Variants in ZNF638 observed in about 807,000 individuals in gnomAD.
ZNF638 encodes zinc finger protein 638.
In ZNF638, 46 loss-of-function variants were observed where a neutral mutation model predicts 195.6. That is an observed-to-expected ratio of 0.24 (90% CI 0.19 to 0.30). The LOEUF is 0.30. Among genes scored for constraint, ZNF638 ranks in the 10% least tolerant of loss-of-function variants. ZNF638 has a pLI of 1.00. For synonymous variants in ZNF638, 845 were observed against 772.0 expected (o/e 1.09, Z -1.57); for missense variants, 2,440 against 2,325.3 (o/e 1.05, Z -1.01).
At chr2:71,427,532 A>G in intron 24 of ZNF638, 118 bp downstream of exon 24, 1 of 673,998 alleles carries the variant, frequency 1.5e-6, no homozygotes, top group Non-Finnish European at 2.2e-6. Flanking sequence ...ATTAGAGGCC[A>G]ACAGACAGTT....
chr2:71,371,950 T>G (rs1330415750), intron 8 of ZNF638, among the ~76,000 whole-genome samples: 2 of 152,196 alleles, frequency 1.3e-5, no homozygotes, highest in Non-Finnish European at 2.9e-5. Flanking sequence ...TTGCCTGTGT[T>G]TGTGGGGTAT....
intron 3 of ZNF638, among the ~76,000 whole-genome samples, chr2:71,356,061 A>G (rs2542501): frequency 0.099 from 15,035 of 152,204 alleles, 801 homozygotes; most frequent in Non-Finnish European, 0.12. Flanking sequence ...AGGATCTTTT[A>G]TCTATATCAG....
At chr2:71,368,102 T>A (rs2079238010) in intron 6 of ZNF638, among the ~76,000 whole-genome samples, 1 of 152,158 alleles carries the variant, frequency 6.6e-6, no homozygotes, top group Admixed American at 6.5e-5. Context: ...TGCTATAAGA[T>A]GCTATCAACA....
Position 71,433,251 on chromosome 2 carries a change from T to C in ZNF638, c.5839T>C (p.Cys1947Arg), listed in dbSNP as rs1461953371. ...AGGTGAAAAAGCAATGACAAATCAC[T>C]GCAAGAGTACACGTCATAAGCAAAA... ...YSGEKAMTNH[C>R]KSTRHKQNTE... Residue 1947 changes from cysteine (C) to arginine (R), a missense_variant, in exon 27 of 28, where the codon TGC becomes CGC. Around this residue, in one of 5 missense-constraint regions of ZNF638, gnomAD observed 1,883 missense variants for 1,739.1 expected, o/e 1.08. Coordinates refer to ENST00000264447, the MANE Select transcript of ZNF638 (RefSeq NM_014497.5). 6.2e-7 allele frequency: 1 copy of C among 1,613,996 alleles called. No homozygotes were observed. Among genetic ancestry groups the C allele is most frequent in the Admixed American group, 1.7e-5 (1 of 60,018 alleles).
At chr2:71,393,399 C>G (rs755903205) in intron 10 of ZNF638, 11 of 718,556 alleles carry the variant, frequency 1.5e-5, no homozygotes, top group Non-Finnish European at 2.9e-5. Flanking sequence ...CTCAGGCCCT[C>G]TTTGGATTCC....
At chr2:71,401,864 A>G (rs1298101378) in intron 15 of ZNF638, 92 bp from the exon 16 acceptor site, 4 of 1,124,340 alleles carry the variant, frequency 3.6e-6, no homozygotes, top group Middle Eastern at 3.2e-4. Context: ...TAAATGCAAC[A>G]ATATACTAAT....
chr2:71,407,830 A>G (rs1251032475), intron 19 of ZNF638: 2 of 228,900 alleles, frequency 8.7e-6, no homozygotes, highest in Non-Finnish European at 1.7e-5. Flanking sequence ...AGGTTCATCC[A>G]TGTTGCAGCA....
At chr2:71,419,569 A>G (rs980253492) in intron 21 of ZNF638, among the ~76,000 whole-genome samples, 1 of 152,208 alleles carries the variant, frequency 6.6e-6, no homozygotes, top group African/African-American at 2.4e-5. Context: ...ACATTAAGCA[A>G]TAGGTTTGCT....
intron 3 of ZNF638, among the ~76,000 whole-genome samples, chr2:71,361,424 C>T (rs1282821106): frequency 1.3e-5 from 2 of 152,140 alleles, no homozygotes; most frequent in African/African-American, 4.8e-5. Context: ...GTTTCTTAGC[C>T]ATTAAATGAC....
chr2:71,369,783 C>A, intron 7 of ZNF638, 100 bp from the exon 8 acceptor site: 1 of 1,199,056 alleles, frequency 8.3e-7, no homozygotes, highest in Non-Finnish European at 1.1e-6. Context: ...GAGGTAGTTT[C>A]ATAGTTTGAT....
chr2:71,391,823 C>A (rs1314253807), intron 10 of ZNF638, among the ~76,000 whole-genome samples: 1 of 152,104 alleles, frequency 6.6e-6, no homozygotes, highest in Non-Finnish European at 1.5e-5. Context: ...TATTTAACCC[C>A]CGCAGCAAAA....
At chr2:71,404,689 C>G (rs1468610471) in intron 17 of ZNF638, among the ~76,000 whole-genome samples, 1 of 152,142 alleles carries the variant, frequency 6.6e-6, no homozygotes, top group African/African-American at 2.4e-5. Flanking sequence ...TGAACTTCAG[C>G]CTGGGTGACA....
intron 8 of ZNF638, chr2:71,375,725 A>T (rs1425660870): frequency 1.3e-5 from 2 of 152,242 alleles, no homozygotes; most frequent in African/African-American, 4.8e-5. Flanking sequence ...AGAAAGATTC[A>T]TTTGGAAATG....
intron 1 of ZNF638, among the ~76,000 whole-genome samples, chr2:71,335,964 C>T (rs1053466872): frequency 1.3e-5 from 2 of 152,144 alleles, no homozygotes; most frequent in Admixed American, 1.3e-4. Flanking sequence ...AAACTCCCCA[C>T]CTACCTTTTC....
At chr2:71,401,888 C>T (rs2080014217) in intron 15 of ZNF638, 68 bp from the exon 16 acceptor site, 1 of 1,336,578 alleles carries the variant, frequency 7.5e-7, no homozygotes, top group Admixed American at 2.3e-5. Flanking sequence ...ACATGATACA[C>T]AGTATAAACT....
chr2:71,348,298 A>AT, intron 1 of ZNF638: 1 of 480,072 alleles, frequency 2.1e-6, no homozygotes, highest in Non-Finnish European at 2.7e-6. Context: ...TCCAAGGAAG[A>AT]TTGTGTTTTA....
chr2:71,355,326 A>T (rs1168857853), intron 2 of ZNF638, among the ~76,000 whole-genome samples: 9 of 152,150 alleles, frequency 5.9e-5, no homozygotes, highest in Non-Finnish European at 8.8e-5. Context: ...TGTATTTTGA[A>T]GATGCTGTTT....
At position 71,433,263 on chromosome 2, in the gene ZNF638, C is replaced by T. The variant is rs756457929; in HGVS notation, c.5851C>T (p.Arg1951Cys). The T allele has an allele frequency of 1.2e-6, 2 of 1,612,580 alleles. No individual in the cohort carries two copies. The highest frequency in any genetic ancestry group is 1.7e-6 in the Non-Finnish European group (2 of 1,178,816). The change falls in exon 27 of 28, where the codon CGT becomes TGT. Residue 1951 changes from arginine to cysteine, a missense_variant. By Grantham distance (180) the Arg-to-Cys change is radical (BLOSUM62 -3). Coordinates refer to ENST00000264447, the MANE Select transcript of ZNF638 (RefSeq NM_014497.5). The stretch of plus-strand genomic sequence containing the variant: ...AATGACAAATCACTGCAAGAGTACA[C>T]GTCATAAGCAAAATACTGAGGTAAT... ...KAMTNHCKSTRHKQNTEKFMA... is the reference protein window; with the variant it reads ...KAMTNHCKSTCHKQNTEKFMA...
intron 10 of ZNF638, among the ~76,000 whole-genome samples, chr2:71,390,963 G>A (rs534204608): frequency 1.3e-5 from 2 of 152,252 alleles, no homozygotes; most frequent in African/African-American, 4.8e-5. Flanking sequence ...TTCTAATAAT[G>A]GCCACTGTTG....
Sources: allele counts gnomAD v4.1 joint callset (sites outside exome capture counted in the v4.1 genomes callset), GRCh38; gene constraint gnomAD v4.1.1; regional missense constraint gnomAD v4.1.1; transcripts MANE v1.5; gene names NCBI Gene and HGNC (gene_info 2026-07-23, HGNC 2026-07-21).